The following C4BPB variants were observed in gnomAD, a reference collection of about 807,000 sequenced individuals.
C4BPB encodes the protein C4b-binding protein beta chain.
In C4BPB, 19 loss-of-function variants were observed where a neutral mutation model predicts 26.6. That is an observed-to-expected ratio of 0.71 (90% CI 0.50 to 1.05). The LOEUF (loss-of-function observed/expected upper bound fraction) is 1.05. Ranked by LOEUF, C4BPB falls within the 50% of genes least tolerant of loss-of-function variation. C4BPB has a pLI of 0.00. For synonymous variants in C4BPB, 118 were observed against 103.5 expected (o/e 1.14, Z -0.85); for missense variants, 282 against 302.9 (o/e 0.93, Z 0.51).
At chr1:207,092,753 G>A (rs1412440335) in intron 4 of C4BPB, among the ~76,000 whole-genome samples, 3 of 150,964 alleles carry the variant, frequency 2.0e-5, no homozygotes, top group Non-Finnish European at 2.9e-5. Flanking sequence ...TCAGCCTCCC[G>A]AGTAGCTGGG....
At position 207,099,989 on chromosome 1, in the gene C4BPB, T is replaced by G; in HGVS notation, c.*60T>G. ...TATGAATAAATTTTCTTCTTGGTTCTGAAATTGGTTTCAGATTTACCTCTT... is the reference window on the plus strand; with the variant it reads ...TATGAATAAATTTTCTTCTTGGTTCGGAAATTGGTTTCAGATTTACCTCTT... On this transcript the variant is annotated 3_prime_UTR_variant, in exon 7 of 7. Transcript: ENST00000367078. 1 of 1,510,034 alleles carries G rather than the reference T, an allele frequency of 6.6e-7. No individual in the cohort carries two copies. Among genetic ancestry groups the G allele is most frequent in the Admixed American group, 2.0e-5 (1 of 49,838 alleles). The allele number at this position is 1,510,034 out of a possible 1,614,324, so 93.5% of individuals were successfully genotyped here. A position where few individuals can be genotyped will look rare whatever the true frequency, so the allele number is the denominator to read the frequency against.
Position 207,098,165 on chromosome 1 carries a change from C to T in C4BPB, c.519C>T (p.Gly173=), listed in dbSNP as rs776338428. ...YYCEDRYYLV[G]VQEQQCVDGE... ...TTCTGTTCAGGTACTACTTAGTGGGCGTGCAGGAGCAGCAATGCGTTGATG... is the reference window on the plus strand; with the variant it reads ...TTCTGTTCAGGTACTACTTAGTGGGTGTGCAGGAGCAGCAATGCGTTGATG... Residue 173 remains glycine, a synonymous_variant, in exon 6 of 7, where the codon GGC becomes GGT. Transcript: ENST00000367078. The T allele has an allele frequency of 2.5e-5, 40 of 1,613,452 alleles. No homozygotes were observed. Among genetic ancestry groups the T allele is most frequent in the East Asian group, 1.1e-4 (5 of 44,896 alleles).
intron 3 of C4BPB, 58 bp downstream of exon 3, chr1:207,090,539 A>T: frequency 6.9e-7 from 1 of 1,445,014 alleles, no homozygotes; most frequent in South Asian, 1.3e-5. Context: ...ACTCCTTCAC[A>T]TCCTACTTCC....
At chr1:207,088,984 T>C (rs1683916706) in intron 1 of C4BPB, 38 bp downstream of exon 1, 1 of 153,966 alleles carries the variant, frequency 6.5e-6, no homozygotes, top group African/African-American at 2.4e-5. Context: ...TCGTCTTCAG[T>C]GCTGCTTACA....
Position 207,090,453 on chromosome 1 carries a change from G to C in C4BPB, c.204G>C (p.Glu68Asp). 1.2e-6 allele frequency: 2 copies of C among 1,613,448 alleles called. No individual in the cohort carries two copies. The highest frequency in any genetic ancestry group is 8.5e-7 in the Non-Finnish European group (1 of 1,179,636). Residue 68 changes from glutamate (E) to aspartate (D), a missense_variant, in exon 3 of 7, where the codon GAG (glutamate) becomes GAC (aspartate). Physicochemically the swap from Glu to Asp is conservative, Grantham distance 45 (BLOSUM62 2). Transcript: ENST00000367078. ...CCCTTTTTTGCAATGCCTCTAAGGA[G>C]TGGGATAACACCACTACTGAGTGCC... ...KKTLFCNASK[E>D]WDNTTTECRL...
chr1:207,089,344 C>A (rs1683926638), intron 1 of C4BPB, 138 bp from the exon 2 acceptor site: 2 of 561,950 alleles, frequency 3.6e-6, no homozygotes, highest in African/African-American at 1.9e-5. Flanking sequence ...TTCCTTACAG[C>A]TGTTCTGATT....
intron 2 of C4BPB, 105 bp from the exon 3 acceptor site, chr1:207,090,203 C>G: frequency 3.4e-6 from 3 of 894,730 alleles, no homozygotes; most frequent in Non-Finnish European, 5.0e-6. Flanking sequence ...GCACAGGAAT[C>G]AGGATCAATA....
intron 6 of C4BPB, 71 bp from the exon 7 acceptor site, chr1:207,099,718 C>G: frequency 7.5e-7 from 1 of 1,337,910 alleles, no homozygotes; most frequent in Non-Finnish European, 1.0e-6. Context: ...AACTGCTGCT[C>G]ACTGGCTTCA....
In C4BPB at chr1:207,089,534, GT is replaced by G; in HGVS notation, c.10del (p.Trp4GlyfsTer53). On this transcript the variant is annotated frameshift_variant, in exon 2 of 7. Transcript: ENST00000367078. LOFTEE classifies it high-confidence loss of function. ...GGGGAGAGGACTTTGATCACCAGAT[GT>G]TTTTTTGGTGTGCGTGCTGTCTTAT... M[F>X]FWCACCLMVA... 6.2e-7 allele frequency: 1 copy of G among 1,613,882 alleles called. No individual in the cohort carries two copies. The highest frequency in any genetic ancestry group is 8.5e-7 in the Non-Finnish European group (1 of 1,179,866).
Position 207,090,390 on chromosome 1 carries a change from C to G in C4BPB, c.141C>G (p.Tyr47Ter), listed in dbSNP as rs773888289. Residue 47 changes from tyrosine to a stop codon, truncating the protein, a stop_gained, in exon 3 of 7, where the codon TAC becomes TAG. Transcript: ENST00000367078. LOFTEE classifies it high-confidence loss of function. ...TGGAAGGACAGATTCTGGGGACTTA[C>G]GTTTGTATCAAGGGCTACCACCTGG... is the stretch of plus-strand genomic sequence containing the variant. ...KEVEGQILGT[Y>*]VCIKGYHLVG... The G allele has an allele frequency of 5.0e-6, 8 of 1,613,930 alleles. No homozygotes were observed. The highest frequency in any genetic ancestry group is 3.3e-5 in the Admixed American group (2 of 60,008).
chr1:207,099,465 A>C (rs1279695336), intron 6 of C4BPB, among the ~76,000 whole-genome samples: 1 of 152,198 alleles, frequency 6.6e-6, no homozygotes, highest in African/African-American at 2.4e-5. Flanking sequence ...CCTGTTATAG[A>C]GCAAAGCACA....
intron 4 of C4BPB, chr1:207,095,387 G>C: frequency 2.2e-6 from 1 of 456,602 alleles, no homozygotes; most frequent in South Asian, 1.5e-5. Flanking sequence ...CTGGAGTGCA[G>C]TGGCAGAATC....
chr1:207,095,021 T>C lies in C4BPB; in HGVS notation c.410-1501T>C, dbSNP rs17020520. ...ATGCTCTTTCATCATCTGCTGTTTT[T>C]ACTCAACCATTTGTTTAGAAGATTT... On this transcript the variant is annotated intron_variant, in intron 4 of 6. Coordinates refer to ENST00000367078, the MANE Select transcript of C4BPB (RefSeq NM_001017365.3). The C allele has an allele frequency of 2.4e-3, 637 of 261,816 alleles. 3 individuals are homozygous for C. Among genetic ancestry groups the C allele is most frequent in the African/African-American group, 0.014 (603 of 42,898 alleles). The allele number at this position is 261,816 out of a possible 1,614,324, so 16.2% of individuals were successfully genotyped here. A position where few individuals can be genotyped will look rare whatever the true frequency, so the allele number is the denominator to read the frequency against.
Position 207,093,124 on chromosome 1 carries a change from A to G in C4BPB, c.409+1304A>G, listed in dbSNP as rs183005895. ...TGTTAGTTGAATTTGAAATGTAAAA[A>G]TAATTCGATTCACAAGATCTATATG... is the stretch of plus-strand genomic sequence containing the variant. On this transcript the variant is annotated intron_variant, in intron 4 of 6. Transcript: ENST00000367078. Among the ~76,000 whole-genome samples the G allele has an allele frequency of 7.9e-5, 12 of 152,352 alleles. No individual in the cohort carries two copies. In the East Asian group the frequency reaches 2.3e-3, roughly 29 times the overall value.
intron 5 of C4BPB, chr1:207,097,913 A>C (rs997157246): frequency 2.6e-5 from 10 of 378,490 alleles, no homozygotes; most frequent in African/African-American, 1.7e-4. Context: ...AGAATTTCTC[A>C]CTTCTCTATG....
chr1:207,094,570 T>C (rs1406246497), intron 4 of C4BPB, among the ~76,000 whole-genome samples: 1 of 152,202 alleles, frequency 6.6e-6, no homozygotes, highest in Non-Finnish European at 1.5e-5. Flanking sequence ...AACCACAGGA[T>C]CCCTGTCTTT....
intron 3 of C4BPB, among the ~76,000 whole-genome samples, chr1:207,090,742 A>AT (rs149283546): frequency 1.3e-3 from 191 of 151,516 alleles, no homozygotes; most frequent in Non-Finnish European, 1.5e-3. Context: ...ATTAGAACTA[A>AT]TTTTTTTTTG....
At chr1:207,092,405 CA>C (rs1684066421) in intron 4 of C4BPB, among the ~76,000 whole-genome samples, 1 of 152,014 alleles carries the variant, frequency 6.6e-6, no homozygotes, top group South Asian at 2.1e-4. Flanking sequence ...ACTTGCTATA[CA>C]TATTTTTAAA....
rs1683982130 is a variant in C4BPB, at chr1:207,090,426, G to T, written c.177G>T (p.Lys59Asn). 6.2e-7 allele frequency: 1 copy of T among 1,614,092 alleles called. No homozygotes were observed. ...AGGGCTACCACCTGGTAGGAAAGAAGACCCTTTTTTGCAATGCCTCTAAGG... is the reference window on the plus strand; with the variant it reads ...AGGGCTACCACCTGGTAGGAAAGAATACCCTTTTTTGCAATGCCTCTAAGG... ...CIKGYHLVGK[K>N]TLFCNASKEW... The change falls in exon 3 of 7, where the codon AAG (lysine) becomes AAT (asparagine). Residue 59 changes from lysine to asparagine, a missense_variant. Physicochemically the swap from Lys to Asn is moderately conservative, Grantham distance 94. Coordinates refer to ENST00000367078, the MANE Select transcript of C4BPB (RefSeq NM_001017365.3).
Sources: gnomAD v4.1 joint callset for allele counts (sites outside exome capture counted in the v4.1 genomes callset) on GRCh38, gnomAD v4.1.1 for gene constraint, MANE v1.5 for transcripts, NCBI Gene and HGNC (gene_info 2026-07-23, HGNC 2026-07-21) for gene names.